Variants in ANKS6 observed in about 807,000 individuals in gnomAD.
The protein encoded by ANKS6 is ankyrin repeat and sterile alpha motif domain containing 6.
A neutral mutation model predicts 77.9 loss-of-function variants in ANKS6; 47 were observed. That is an observed-to-expected ratio of 0.60 (90% CI 0.48 to 0.77). The LOEUF is 0.77. Ranked by LOEUF, ANKS6 falls within the 30% of genes least tolerant of loss-of-function variation. ANKS6 has a pLI of 0.00. For missense variants in ANKS6, 1,150 were observed against 1,159.1 expected (o/e 0.99, Z 0.11); for synonymous variants, 488 against 501.7 (o/e 0.97, Z 0.37).
intron 13 of ANKS6, among the ~76,000 whole-genome samples, chr9:98,750,054 T>C (rs1425021059): frequency 6.6e-6 from 1 of 152,196 alleles, no homozygotes; most frequent in Non-Finnish European, 1.5e-5. Flanking sequence ...TTTATACAAT[T>C]CAATGATTTT....
chr9:98,735,586 T>G lies in ANKS6; in HGVS notation c.*933A>C. 1 of 1,231,288 alleles carries G rather than the reference T, an allele frequency of 8.1e-7. No homozygotes were observed. The highest frequency in any genetic ancestry group is 1.0e-6 in the Non-Finnish European group (1 of 987,872). 76.3% of individuals were successfully genotyped at this position (1,231,288 alleles called of 1,614,324 possible). A position where few individuals can be genotyped will look rare whatever the true frequency, so the allele number is the denominator to read the frequency against. Reference sequence around the variant, plus strand: ...TTGAGCACCAGAGACCTTTACACAATGTGACCCATTAGCCTTCTGCTTCCA... The same window carrying G: ...TTGAGCACCAGAGACCTTTACACAAGGTGACCCATTAGCCTTCTGCTTCCA... On this transcript the variant is annotated 3_prime_UTR_variant, in exon 15 of 15. Coordinates refer to ENST00000353234, the MANE Select transcript of ANKS6 (RefSeq NM_173551.5).
intron 11 of ANKS6, among the ~76,000 whole-genome samples, chr9:98,762,574 T>C (rs1833073258): frequency 6.6e-6 from 1 of 152,116 alleles, no homozygotes; most frequent in Non-Finnish European, 1.5e-5. Context: ...TCAGGAGGTT[T>C]CCCTCAATTC....
chr9:98,744,422 G>T (rs1338513524), intron 14 of ANKS6, among the ~76,000 whole-genome samples: 1 of 152,192 alleles, frequency 6.6e-6, no homozygotes, highest in Non-Finnish European at 1.5e-5. Flanking sequence ...ACCACCGCGT[G>T]ACCTGGGCAC....
At position 98,773,977 on chromosome 9, in the gene ANKS6, C is replaced by T. The variant is rs112147399; in HGVS notation, c.1721G>A (p.Arg574Gln). ...PSSFELWSSD[R>Q]SRTRHNGKAD... ...CTTCCCGTTGTGACGCGTCCGGGAC[C>T]GATCAGAGCTCCACAGCTCAAAACT... is the stretch of plus-strand genomic sequence containing the variant. The change falls in exon 9 of 15, where the codon CGG becomes CAG. Residue 574 changes from arginine to glutamine, a missense_variant. Arg to Gln is a conservative substitution (Grantham distance 43, BLOSUM62 1). Transcript: ENST00000353234. 7.4e-5 allele frequency: 118 copies of T among 1,595,472 alleles called. 2 individuals carry two copies. In the South Asian group the frequency reaches 9.4e-4, roughly 13 times the overall value.
chr9:98,788,034 C>G (rs913010155), intron 2 of ANKS6, among the ~76,000 whole-genome samples: 12 of 152,218 alleles, frequency 7.9e-5, no homozygotes, highest in African/African-American at 2.7e-4. Context: ...ACTGAGGCAG[C>G]TGGTTCAAGG....
intron 7 of ANKS6, among the ~76,000 whole-genome samples, chr9:98,777,681 T>G (rs1833993321): frequency 6.6e-6 from 1 of 151,826 alleles, no homozygotes. Flanking sequence ...CAGACAGTGG[T>G]GCCCCCAGCT....
At chr9:98,795,851 A>C (rs939481332) in intron 1 of ANKS6, 2 of 287,608 alleles carry the variant, frequency 7.0e-6, no homozygotes, top group African/African-American at 4.4e-5. Flanking sequence ...TGCAATAAGA[A>C]ATGAATTAAA....
intron 1 of ANKS6, among the ~76,000 whole-genome samples, chr9:98,794,868 T>C (rs796285819): frequency 1.3e-4 from 20 of 152,276 alleles, no homozygotes; most frequent in African/African-American, 4.3e-4. Context: ...CTCACTGCCC[T>C]GGGCCTTCTA....
intron 6 of ANKS6, among the ~76,000 whole-genome samples, chr9:98,779,961 C>A (rs190882667): frequency 6.6e-6 from 1 of 152,050 alleles, no homozygotes; most frequent in African/African-American, 2.4e-5. Flanking sequence ...CGTGCCCGGC[C>A]GCGTGGACCC....
chr9:98,733,531 C>T lies in ANKS6; in HGVS notation c.*2988G>A. The T allele has an allele frequency of 1.0e-6, 1 of 985,500 alleles. No individual in the cohort carries two copies. Among genetic ancestry groups the T allele is most frequent in the Non-Finnish European group, 1.2e-6 (1 of 829,974 alleles). The allele number at this position is 985,500 out of a possible 1,614,324, so 61.0% of individuals were successfully genotyped here. A position where few individuals can be genotyped will look rare whatever the true frequency, so the allele number is the denominator to read the frequency against. Reference sequence around the variant, plus strand: ...GAGCTGCTGGGGAGAAAAAGGTGACCACCAAGGGCCCTGACCCACTTCCAG... The same window carrying T: ...GAGCTGCTGGGGAGAAAAAGGTGACTACCAAGGGCCCTGACCCACTTCCAG... On this transcript the variant is annotated 3_prime_UTR_variant, in exon 15 of 15. Coordinates refer to ENST00000353234, the MANE Select transcript of ANKS6 (RefSeq NM_173551.5).
chr9:98,756,471 G>A lies in ANKS6; in HGVS notation c.2275C>T (p.Arg759Trp), dbSNP rs756094728. ...GAGCCCCCACTGCTCTTGGACTGCC[G>A]ATGGGATGACGAGGAAGACACTGAG... Reference protein sequence around the residue: ...ESSVSSSSSHRQSKSSGGSSS... With the variant: ...ESSVSSSSSHWQSKSSGGSSS... The change falls in exon 12 of 15, where the codon CGG becomes TGG. Residue 759 changes from arginine (R) to tryptophan (W), a missense_variant. By Grantham distance (101) the Arg-to-Trp change is moderately radical. Coordinates refer to ENST00000353234, the MANE Select transcript of ANKS6 (RefSeq NM_173551.5). The A allele has an allele frequency of 4.3e-6, 7 of 1,613,470 alleles. No individual in the cohort carries two copies. Among genetic ancestry groups the A allele is most frequent in the East Asian group, 2.2e-5 (1 of 44,748 alleles).
chr9:98,794,086 G>A (rs1157181729), intron 1 of ANKS6, among the ~76,000 whole-genome samples: 72 of 146,580 alleles, frequency 4.9e-4, no homozygotes, highest in Non-Finnish European at 1.3e-4. Context: ...GGAGGCGGAG[G>A]TTGCAGTGAG....
chr9:98,737,962 C>T (rs1296113788), intron 14 of ANKS6, among the ~76,000 whole-genome samples: 1 of 152,120 alleles, frequency 6.6e-6, no homozygotes, highest in Non-Finnish European at 1.5e-5. Context: ...TTTGACAAAG[C>T]AAACAAAAAC....
chr9:98,737,319 A>T (rs1831553515), intron 14 of ANKS6, among the ~76,000 whole-genome samples: 1 of 152,186 alleles, frequency 6.6e-6, no homozygotes, highest in African/African-American at 2.4e-5. Flanking sequence ...TCGTTTACCT[A>T]GAAAACCCTA....
rs902291825 is a variant in ANKS6 at position 98,784,748 on chromosome 9, C to G, written c.907+84G>C. ...TTTCTTTCTCAAATACCCTGGGTGG[C>G]CCTGCAAAGGACTACAAATATTAGG... On this transcript the variant is annotated intron_variant, in intron 3 of 14. Transcript: ENST00000353234. 3.9e-6 allele frequency: 5 copies of G among 1,270,920 alleles called. No individual in the cohort carries two copies. In the African/African-American group the frequency reaches 6.0e-5, roughly 15 times the overall value. The allele number at this position is 1,270,920 out of a possible 1,614,324, so 78.7% of individuals were successfully genotyped here.
rs748782774 is a variant in ANKS6 at position 98,745,642 on chromosome 9, C to A, written c.2428G>T (p.Gly810Cys). The change falls in exon 14 of 15, where the codon GGT becomes TGT. Residue 810 changes from glycine to cysteine, a missense_variant. Transcript: ENST00000353234. ...TTAATTCCCAGCTCCTTCAAGTCAC[C>A]GTCAGTCAGTGTGAGGAACGCTTCC... Reference protein sequence around the residue: ...DMEAFLTLTDGDLKELGIKTD... With the variant: ...DMEAFLTLTDCDLKELGIKTD... 1 of 1,614,138 alleles carries A rather than the reference C, an allele frequency of 6.2e-7. No homozygotes were observed.
At chr9:98,754,909 C>T (rs1832615847) in intron 12 of ANKS6, among the ~76,000 whole-genome samples, 1 of 152,118 alleles carries the variant, frequency 6.6e-6, no homozygotes, top group African/African-American at 2.4e-5. Context: ...CCACTGTCTC[C>T]ACTCTTTTTT....
rs922379480 is a variant in ANKS6 at position 98,734,699 on chromosome 9, G to C, written c.*1820C>G. The C allele has an allele frequency of 1.2e-5, 11 of 932,950 alleles. No individual in the cohort carries two copies. The highest frequency in any genetic ancestry group is 1.4e-5 in the Non-Finnish European group (11 of 782,474). 57.8% of individuals were successfully genotyped at this position (932,950 alleles called of 1,614,324 possible). On this transcript the variant is annotated 3_prime_UTR_variant, in exon 15 of 15. Coordinates refer to ENST00000353234, the MANE Select transcript of ANKS6 (RefSeq NM_173551.5). ...TCCTAAGCATCCGTTTCCCGAATGT[G>C]CAAGATGAGGTTACACAATGCCACC...
At chr9:98,739,758 A>ATTTTCTTTTTTTTTTT (rs1554731569) in intron 14 of ANKS6, among the ~76,000 whole-genome samples, 1 of 88,856 alleles carries the variant, frequency 1.1e-5, no homozygotes, top group Non-Finnish European at 2.1e-5. Flanking sequence ...TGGATTAAAC[A>ATTTTCTTTTTTTTTTT]TTTTTTTTTT....
Sources: gnomAD v4.1 joint callset for allele counts (sites outside exome capture counted in the v4.1 genomes callset) on GRCh38, gnomAD v4.1.1 for gene constraint, MANE v1.5 for transcripts, NCBI Gene and HGNC (gene_info 2026-07-23, HGNC 2026-07-21) for gene names.